Variants in BABAM2 observed in about 807,000 individuals in gnomAD.
The protein encoded by BABAM2 is BRISC and BRCA1-A complex member 2.
BABAM2 carries 31 observed loss-of-function variants against 54.7 expected under a neutral mutation model. The observed-to-expected ratio is 0.57, with a 90% CI of 0.43 to 0.77. The LOEUF (loss-of-function observed/expected upper bound fraction) is 0.77. BABAM2 is among the 30% of genes least tolerant of loss of function. The probability of loss-of-function intolerance (pLI) is 0.00; values close to 1 mark genes in which losing one functional copy is unlikely to be tolerated. For synonymous variants in BABAM2, 167 were observed against 162.9 expected (o/e 1.03, Z -0.19); for missense variants, 364 against 455.8 (o/e 0.80, Z 1.83).
chr2:28,210,969 G>T (rs570611016), intron 7 of BABAM2, among the ~76,000 whole-genome samples: 20 of 152,338 alleles, frequency 1.3e-4, no homozygotes, highest in Non-Finnish European at 1.9e-4. Flanking sequence ...CCTTATGCAA[G>T]TAAAGGCCAG....
At chr2:28,043,018 C>T (rs1284143788) in intron 5 of BABAM2, among the ~76,000 whole-genome samples, 8 of 149,928 alleles carry the variant, frequency 5.3e-5, no homozygotes, top group South Asian at 4.2e-4. Flanking sequence ...AGTGAGACTC[C>T]GTCTCAAAAA....
At chr2:28,068,185 C>T (rs541176257) in intron 6 of BABAM2, among the ~76,000 whole-genome samples, 6 of 151,886 alleles carry the variant, frequency 4.0e-5, no homozygotes, top group Non-Finnish European at 7.4e-5. Flanking sequence ...ATGAGACTAC[C>T]GTAATAAAGA....
At chr2:28,190,468 CCT>C (rs1395377779) in intron 7 of BABAM2, among the ~76,000 whole-genome samples, 1 of 152,266 alleles carries the variant, frequency 6.6e-6, no homozygotes, top group East Asian at 1.9e-4. Context: ...AGGCAGATCA[CCT>C]GAGGTTGGGA....
chr2:28,045,427 C>A (rs192719691), intron 5 of BABAM2, among the ~76,000 whole-genome samples: 21 of 152,268 alleles, frequency 1.4e-4, no homozygotes, highest in East Asian at 1.3e-3. Context: ...ATCATACATT[C>A]ATATATTCTT....
At chr2:28,310,409 C>G (rs1363624882) in intron 11 of BABAM2, 1 of 406,154 alleles carries the variant, frequency 2.5e-6, no homozygotes, top group African/African-American at 2.0e-5. Flanking sequence ...CATCTCTCCC[C>G]AGGCCCTCCA....
intron 6 of BABAM2, among the ~76,000 whole-genome samples, chr2:28,066,178 TAAATAAA>T (rs1194740604): frequency 6.7e-6 from 1 of 149,642 alleles, no homozygotes; most frequent in East Asian, 2.0e-4. Flanking sequence ...AAAAAATAAA[TAAATAAA>T]AAATAAAAAA....
At chr2:27,974,317 A>G (rs1252768803) in intron 3 of BABAM2, among the ~76,000 whole-genome samples, 3 of 152,180 alleles carry the variant, frequency 2.0e-5, no homozygotes, top group African/African-American at 7.2e-5. Flanking sequence ...AAATTAGCAA[A>G]TTGAATTTAG....
chr2:28,253,393 CTT>C (rs1683674587), intron 10 of BABAM2, among the ~76,000 whole-genome samples: 1 of 143,316 alleles, frequency 7.0e-6, no homozygotes, highest in Non-Finnish European at 1.5e-5. Flanking sequence ...CAGAGCAAGA[CTT>C]TGTCTCAAAA....
intron 3 of BABAM2, among the ~76,000 whole-genome samples, chr2:27,955,911 G>C (rs1050054677): frequency 6.6e-6 from 1 of 151,618 alleles, no homozygotes; most frequent in Non-Finnish European, 1.5e-5. Flanking sequence ...GGTGACCTAT[G>C]TTGTGAGATT....
At chr2:27,962,884 A>G (rs1283442593) in intron 3 of BABAM2, among the ~76,000 whole-genome samples, 2 of 152,244 alleles carry the variant, frequency 1.3e-5, no homozygotes, top group Non-Finnish European at 2.9e-5. Context: ...ACTATCATTA[A>G]AAAGAATATT....
chr2:28,144,666 G>T (rs1051516051), intron 7 of BABAM2, among the ~76,000 whole-genome samples: 5 of 152,166 alleles, frequency 3.3e-5, no homozygotes, highest in Admixed American at 3.3e-4. Context: ...GCAGTGATAC[G>T]CTGGCCAGGG....
At chr2:28,294,764 C>T (rs1687549850) in intron 10 of BABAM2, among the ~76,000 whole-genome samples, 1 of 152,130 alleles carries the variant, frequency 6.6e-6, no homozygotes, top group African/African-American at 2.4e-5. Context: ...AGACAGGATA[C>T]AGCTTAGTTA....
chr2:28,286,553 T>G (rs976634512), intron 10 of BABAM2, among the ~76,000 whole-genome samples: 2 of 152,200 alleles, frequency 1.3e-5, no homozygotes, highest in African/African-American at 4.8e-5. Context: ...CGGTGACTGC[T>G]TAATACTTTT....
At chr2:27,924,064 T>C (rs1166355378) in intron 2 of BABAM2, among the ~76,000 whole-genome samples, 1 of 152,210 alleles carries the variant, frequency 6.6e-6, no homozygotes, top group Non-Finnish European at 1.5e-5. Context: ...CCTTCTGAAA[T>C]CTGTCTATGT....
intron 6 of BABAM2, among the ~76,000 whole-genome samples, chr2:28,086,410 C>A (rs989500402): frequency 6.6e-6 from 1 of 152,130 alleles, no homozygotes; most frequent in Non-Finnish European, 1.5e-5. Flanking sequence ...TAGACCTCAA[C>A]GTAAACATGC....
At chr2:28,112,197 C>CCCTCCCTTCCTTCCTT (rs1558347424) in intron 6 of BABAM2, among the ~76,000 whole-genome samples, 1 of 25,498 alleles carries the variant, frequency 3.9e-5, no homozygotes, top group African/African-American at 1.9e-4. Flanking sequence ...CTCCCTCCCT[C>CCCTCCCTTCCTTCCTT]CCTTCCTTCC....
chr2:27,935,306 T>C (rs1453817578), intron 3 of BABAM2, among the ~76,000 whole-genome samples: 1 of 152,196 alleles, frequency 6.6e-6, no homozygotes, highest in East Asian at 1.9e-4. Context: ...GAACTACTGC[T>C]CAGAAAAAAT....
At chr2:28,012,557 A>G (rs1006150134) in intron 4 of BABAM2, among the ~76,000 whole-genome samples, 6 of 152,168 alleles carry the variant, frequency 3.9e-5, no homozygotes, top group African/African-American at 1.2e-4. Flanking sequence ...AAACGATATT[A>G]CCTTAAAATT....
chr2:27,997,473 A>G (rs1044792439), intron 4 of BABAM2, among the ~76,000 whole-genome samples: 4 of 152,240 alleles, frequency 2.6e-5, no homozygotes, highest in African/African-American at 4.8e-5. Context: ...AAAGGAAGAC[A>G]GTAGAAGAAC....
Sources: allele counts gnomAD v4.1 joint callset (sites outside exome capture counted in the v4.1 genomes callset), GRCh38; gene constraint gnomAD v4.1.1; transcripts MANE v1.5; gene names NCBI Gene and HGNC (gene_info 2026-07-23, HGNC 2026-07-21).